CIROZ: variants seen among roughly 807,000 people sequenced by gnomAD.
CIROZ encodes ciliated left-right organizer ZP-N domains-containing protein.
the CIROZ span, among the ~76,000 whole-genome samples, chr1:10,973,111 G>A: frequency 2.6e-5 from 4 of 152,172 alleles, no homozygotes; most frequent in African/African-American, 9.7e-5. Context: ...AGTGGCTCAC[G>A]CCTGTAATCC....
chr1:10,970,105 G>A, the CIROZ span: 1 of 1,519,886 alleles, frequency 6.6e-7, no homozygotes, highest in Non-Finnish European at 8.8e-7. Flanking sequence ...AAGGAAGGAA[G>A]GAGGAGGGAG....
the CIROZ span, among the ~76,000 whole-genome samples, chr1:10,975,665 G>A: frequency 4.0e-4 from 61 of 151,902 alleles, no homozygotes; most frequent in African/African-American, 1.4e-3. Context: ...CAGAGTAAGC[G>A]CTCAACAAAG....
the CIROZ span, among the ~76,000 whole-genome samples, chr1:10,964,746 T>G: frequency 2.6e-5 from 4 of 152,180 alleles, no homozygotes; most frequent in African/African-American, 9.7e-5. Flanking sequence ...TTCTTGTGCC[T>G]CAGCCTCCCA....
chr1:10,968,493 C>T, the CIROZ span, among the ~76,000 whole-genome samples: 1 of 152,192 alleles, frequency 6.6e-6, no homozygotes, highest in East Asian at 1.9e-4. Flanking sequence ...AGATCAAGGC[C>T]GTGCCTCTGG....
the CIROZ span, among the ~76,000 whole-genome samples, chr1:10,974,302 G>A: frequency 2.6e-5 from 4 of 152,080 alleles, 1 homozygote; most frequent in South Asian, 8.3e-4. The surrounding 1 kb of genome is among the most constrained non-coding windows in gnomAD (Gnocchi z 4.4). Context: ...GCCAAAGTCA[G>A]GCAGAGGACG....
At chr1:10,977,351 C>T in the CIROZ span, among the ~76,000 whole-genome samples, 43 of 152,032 alleles carry the variant, frequency 2.8e-4, no homozygotes, top group African/African-American at 9.9e-4. Context: ...GGCGTGGTGG[C>T]GTGCGCCTGT....
At chr1:10,948,241 G>A in the CIROZ span, 2 of 1,613,962 alleles carry the variant, frequency 1.2e-6, no homozygotes, top group African/African-American at 1.3e-5. Flanking sequence ...TCCCTGGGGA[G>A]ACCAGGCCCT....
At chr1:10,966,246 A>C in the CIROZ span, 12 of 1,324,476 alleles carry the variant, frequency 9.1e-6, no homozygotes, top group Non-Finnish European at 1.2e-5. Flanking sequence ...CCCTCAGCTC[A>C]GTTTCTGCAG....
At chr1:10,976,596 C>G in the CIROZ span, among the ~76,000 whole-genome samples, 1 of 151,658 alleles carries the variant, frequency 6.6e-6, no homozygotes, top group Admixed American at 6.6e-5. Context: ...GTGATCCACC[C>G]GCCTCGGCCT....
At chr1:10,972,038 T>C in the CIROZ span, among the ~76,000 whole-genome samples, 2 of 152,248 alleles carry the variant, frequency 1.3e-5, no homozygotes, top group Admixed American at 1.3e-4. Flanking sequence ...CACCTTGCCC[T>C]GTGCGTGGCA....
At chr1:10,955,055 T>G in the CIROZ span, 3 of 1,613,952 alleles carry the variant, frequency 1.9e-6, no homozygotes, top group Non-Finnish European at 2.5e-6. Context: ...TCAGTCACCA[T>G]AAAGATGTTG....
the CIROZ span, among the ~76,000 whole-genome samples, chr1:10,975,407 GAAA>G: frequency 0.24 from 18,835 of 78,994 alleles, 3,072 homozygotes; most frequent in African/African-American, 0.49. Flanking sequence ...CTCTGTCTCA[GAAA>G]AAAAAAAAAA....
chr1:10,948,733 C>T, the CIROZ span: 1 of 1,548,430 alleles, frequency 6.5e-7, no homozygotes, highest in Non-Finnish European at 8.7e-7. Flanking sequence ...CCTGCTTCCC[C>T]TGGGGGAGGC....
the CIROZ span, among the ~76,000 whole-genome samples, chr1:10,952,792 G>A: frequency 3.9e-5 from 6 of 152,210 alleles, no homozygotes; most frequent in Non-Finnish European, 7.3e-5. Flanking sequence ...GATTATAGGC[G>A]TGAGCCACCG....
the CIROZ span, among the ~76,000 whole-genome samples, chr1:10,978,297 C>T: frequency 6.6e-6 from 1 of 151,772 alleles, no homozygotes; most frequent in Non-Finnish European, 1.5e-5. Context: ...GACCCACTCA[C>T]CTCAGTCTCC....
At chr1:10,968,789 G>A in the CIROZ span, among the ~76,000 whole-genome samples, 84 of 152,212 alleles carry the variant, frequency 5.5e-4, no homozygotes, top group African/African-American at 1.7e-3. Flanking sequence ...GTGGCTGGCC[G>A]CTGTGACTAA....
At chr1:10,964,960 C>T in the CIROZ span, among the ~76,000 whole-genome samples, 1 of 152,116 alleles carries the variant, frequency 6.6e-6, no homozygotes. Context: ...ATAAAATTCC[C>T]ATTTTACAGA....
the CIROZ span, among the ~76,000 whole-genome samples, chr1:10,980,223 C>A: frequency 2.0e-5 from 3 of 152,232 alleles, no homozygotes; most frequent in African/African-American, 4.8e-5. Context: ...ACAGTCTCCC[C>A]AGAGTGGGTT....
the CIROZ span, among the ~76,000 whole-genome samples, chr1:10,951,948 A>G: frequency 6.6e-6 from 1 of 152,036 alleles, no homozygotes; most frequent in Non-Finnish European, 1.5e-5. Flanking sequence ...ATTCTAGCAT[A>G]TATTAATATT....
Sources: allele counts gnomAD v4.1 joint callset (sites outside exome capture counted in the v4.1 genomes callset), GRCh38; gene constraint gnomAD v4.1.1; non-coding constraint Gnocchi (gnomAD v3.1); transcripts MANE v1.5; gene names NCBI Gene and HGNC (gene_info 2026-07-23, HGNC 2026-07-21).